Variants in INSR observed in about 807,000 individuals in gnomAD.
INSR encodes the protein IR.
A neutral mutation model predicts 142.6 loss-of-function variants in INSR; 67 were observed. The observed-to-expected ratio is 0.47, with a 90% CI of 0.39 to 0.58. The LOEUF (loss-of-function observed/expected upper bound fraction) is 0.58, where lower values mean the gene tolerates loss of function less well. Among genes scored for constraint, INSR ranks in the 20% least tolerant of loss-of-function variants. The pLI is 0.00. For missense variants in INSR, 1,248 were observed against 1,833.2 expected (o/e 0.68, Z 5.83); for synonymous variants, 756 against 743.1 (o/e 1.02, Z -0.28).
intron 3 of INSR, among the ~76,000 whole-genome samples, chr19:7,182,418 CAGG>C (rs1974297240): frequency 1.3e-5 from 2 of 152,090 alleles, no homozygotes; most frequent in South Asian, 4.1e-4. Context: ...GAGGCTGAGG[CAGG>C]AGAATGGCTT....
At position 7,269,030 on chromosome 19, in the gene INSR, C is replaced by CA. The variant is rs1555690124; in HGVS notation, c.101-1135_101-1134insT. ...AGATGGCTTCTCTCTGCCAACACAC[C>CA]CACACACCCACACACACACACACAC... On this transcript the variant is annotated intron_variant, in intron 1 of 21. Transcript: ENST00000302850. 1.7e-3 allele frequency among the ~76,000 whole-genome samples: 211 copies of CA among 120,978 alleles called. 1 individual carries two copies. Among genetic ancestry groups the CA allele is most frequent in the East Asian group, 1.4e-3 (4 of 2,882 alleles). 79.4% of individuals were successfully genotyped at this position (120,978 alleles called of 152,430 possible).
At chr19:7,135,306 T>TC (rs1173319630) in intron 13 of INSR, among the ~76,000 whole-genome samples, 5,487 of 83,684 alleles carry the variant, frequency 0.066, 210 homozygotes, top group Non-Finnish European at 0.091. Context: ...TGCATCTTCT[T>TC]TTTTTTTTTT....
chr19:7,258,520 G>T (rs1402995782), intron 2 of INSR, among the ~76,000 whole-genome samples: 1 of 149,622 alleles, frequency 6.7e-6, no homozygotes, highest in Non-Finnish European at 1.5e-5. Context: ...CTGGGCAAAG[G>T]CCTTACGTCA....
chr19:7,196,137 G>A (rs914710771), intron 2 of INSR, among the ~76,000 whole-genome samples: 4 of 151,846 alleles, frequency 2.6e-5, no homozygotes, highest in Non-Finnish European at 5.9e-5. Context: ...GCTTCTCCAA[G>A]TTGGTCAGGC....
intron 1 of INSR, among the ~76,000 whole-genome samples, chr19:7,291,055 G>A (rs1049560557): frequency 6.6e-6 from 1 of 151,202 alleles, no homozygotes; most frequent in Non-Finnish European, 1.5e-5. Flanking sequence ...GGGTGACAGA[G>A]CAAGACTCCG....
At chr19:7,198,082 T>TG (rs1012929617) in intron 2 of INSR, among the ~76,000 whole-genome samples, 11 of 151,460 alleles carry the variant, frequency 7.3e-5, no homozygotes, top group African/African-American at 2.4e-4. Context: ...TGTGTGCCCA[T>TG]GGGGGCGAGG....
chr19:7,204,160 A>G (rs1295082706), intron 2 of INSR, among the ~76,000 whole-genome samples: 2 of 152,100 alleles, frequency 1.3e-5, no homozygotes, highest in African/African-American at 4.8e-5. Flanking sequence ...CTCCTGCCTC[A>G]GCCTCCTGAG....
intron 2 of INSR, among the ~76,000 whole-genome samples, chr19:7,208,760 C>T (rs571844103): frequency 6.6e-6 from 1 of 152,252 alleles, no homozygotes; most frequent in Non-Finnish European, 1.5e-5. Flanking sequence ...AATCCCAGCA[C>T]TTTGGGAGGC....
chr19:7,120,971 G>A (rs1179621611), intron 19 of INSR, among the ~76,000 whole-genome samples: 5 of 151,932 alleles, frequency 3.3e-5, no homozygotes, highest in East Asian at 1.9e-4. Flanking sequence ...GGAAAAGAAG[G>A]TACCAAATCA....
rs1240440838 is a variant in INSR, at chr19:7,221,598, C to T, written c.653-36961G>A. ...TGGCACACGTCTGTAATCCCAGCTA[C>T]TTGGGACGCTGAGGCAGGAGAATCG... On this transcript the variant is annotated intron_variant, in intron 2 of 21. Transcript: ENST00000302850. Among the ~76,000 whole-genome samples, 5 of 151,830 alleles carry T rather than the reference C, an allele frequency of 3.3e-5. 1 individual carries two copies. The South Asian group carries it at 1.0e-3, about 31-fold the overall frequency.
intron 2 of INSR, among the ~76,000 whole-genome samples, chr19:7,199,748 C>T (rs779993830): frequency 5.4e-4 from 81 of 150,958 alleles, no homozygotes; most frequent in Admixed American, 7.3e-4. Context: ...CCTACCTCGA[C>T]CCACCCAGAT....
chr19:7,266,663 G>T (rs1321873217), intron 2 of INSR, among the ~76,000 whole-genome samples: 1 of 152,134 alleles, frequency 6.6e-6, no homozygotes, highest in African/African-American at 2.4e-5. Context: ...GGGATTACAG[G>T]CCTGAGCCAC....
chr19:7,202,988 G>GT (rs1385976583), intron 2 of INSR, among the ~76,000 whole-genome samples: 38 of 108,278 alleles, frequency 3.5e-4, no homozygotes, highest in Admixed American at 1.2e-3. Context: ...TTGGGGTGGG[G>GT]TTTTGTTGTT....
chr19:7,222,969 G>A (rs1600052906), intron 2 of INSR, among the ~76,000 whole-genome samples: 1 of 152,162 alleles, frequency 6.6e-6, no homozygotes, highest in African/African-American at 2.4e-5. Context: ...GATCACCTGA[G>A]GTCAGGAGTT....
chr19:7,254,035 A>G (rs201969488), intron 2 of INSR, among the ~76,000 whole-genome samples: 1 of 148,530 alleles, frequency 6.7e-6, no homozygotes, highest in Non-Finnish European at 1.5e-5. Context: ...TCTCAAAAAA[A>G]AAAAGAAAAA....
chr19:7,189,760 T>A (rs1032270154), intron 2 of INSR, among the ~76,000 whole-genome samples: 2 of 151,618 alleles, frequency 1.3e-5, no homozygotes, highest in African/African-American at 4.9e-5. Flanking sequence ...GTGTCCCAGG[T>A]TCAAGCAATT....
intron 9 of INSR, among the ~76,000 whole-genome samples, chr19:7,158,271 T>A (rs1048844797): frequency 3.3e-5 from 5 of 151,632 alleles, no homozygotes; most frequent in Non-Finnish European, 7.4e-5. Flanking sequence ...GAGGCCAAGG[T>A]GGGCAGATCA....
At chr19:7,270,510 G>C (rs995802789) in intron 1 of INSR, among the ~76,000 whole-genome samples, 1 of 152,098 alleles carries the variant, frequency 6.6e-6, no homozygotes, top group Non-Finnish European at 1.5e-5. Context: ...CCAGCAGTTT[G>C]GGAGGCCACA....
chr19:7,293,917 G>A lies in INSR; in HGVS notation c.-26C>T. On this transcript the variant is annotated 5_prime_UTR_variant, in exon 1 of 22. Coordinates refer to ENST00000302850, the MANE Select transcript of INSR (RefSeq NM_000208.4). ...GGCTGCGGGAGCGCGGGGTCTCCTC[G>A]GATCAGAGCGCGCGGCGCTGGCCCG... is the stretch of plus-strand genomic sequence containing the variant. 1 of 1,188,180 alleles carries A rather than the reference G, an allele frequency of 8.4e-7. No homozygotes were observed. Among genetic ancestry groups the A allele is most frequent in the Non-Finnish European group, 1.0e-6 (1 of 963,602 alleles). The allele number at this position is 1,188,180 out of a possible 1,614,324, so 73.6% of individuals were successfully genotyped here.
Sources: gnomAD v4.1 joint callset for allele counts (sites outside exome capture counted in the v4.1 genomes callset) on GRCh38, gnomAD v4.1.1 for gene constraint, MANE v1.5 for transcripts, NCBI Gene and HGNC (gene_info 2026-07-23, HGNC 2026-07-21) for gene names.